AUTS2: variants seen among roughly 807,000 people sequenced by gnomAD.
AUTS2 encodes autism susceptibility gene 2 protein.
In AUTS2, 17 loss-of-function variants were observed where a neutral mutation model predicts 112.4. The ratio of observed to expected loss-of-function variants is 0.15; its 90% CI spans 0.10 to 0.23. The LOEUF is 0.23. Ranked by LOEUF, AUTS2 falls within the 10% of genes least tolerant of loss-of-function variation. The probability of loss-of-function intolerance (pLI) is 1.00; values close to 1 mark genes in which losing one functional copy is unlikely to be tolerated. For synonymous variants in AUTS2, 751 were observed against 702.7 expected, an observed-to-expected ratio of 1.07 and a Z score of -1.09; for missense variants, 1,510 against 1,701.6, an observed-to-expected ratio of 0.89 and a Z score of 1.98.
At chr7:70,114,016 G>A (rs1805225213) in intron 2 of AUTS2, among the ~76,000 whole-genome samples, 1 of 152,304 alleles carries the variant, frequency 6.6e-6, no homozygotes, top group Admixed American at 6.5e-5. Context: ...TGTTGACAGT[G>A]AAATCTAATG....
chr7:70,012,657 G>C (rs761871989), intron 2 of AUTS2, among the ~76,000 whole-genome samples: 2 of 151,850 alleles, frequency 1.3e-5, no homozygotes, highest in Admixed American at 6.6e-5. Context: ...ATTGAATGGT[G>C]TTAGAAGAGG....
chr7:70,032,374 A>C (rs1298729825), intron 2 of AUTS2, among the ~76,000 whole-genome samples: 2 of 152,094 alleles, frequency 1.3e-5, no homozygotes, highest in South Asian at 2.1e-4. Context: ...CTTCCTGGGG[A>C]CTATTTCAAT....
chr7:70,324,646 G>T (rs1329218680), intron 4 of AUTS2, among the ~76,000 whole-genome samples: 1 of 152,086 alleles, frequency 6.6e-6, no homozygotes, highest in African/African-American at 2.4e-5. Context: ...TAATTACAGG[G>T]TTGGCCTCCC....
intron 5 of AUTS2, among the ~76,000 whole-genome samples, chr7:70,564,406 A>G (rs1255469069): frequency 6.6e-6 from 1 of 152,190 alleles, no homozygotes; most frequent in Non-Finnish European, 1.5e-5. Flanking sequence ...TTTCTTTATC[A>G]TCATCTTTTG....
At chr7:69,801,335 A>G (rs1562892069) in intron 1 of AUTS2, among the ~76,000 whole-genome samples, 2 of 151,586 alleles carry the variant, frequency 1.3e-5, no homozygotes, top group South Asian at 4.2e-4. Flanking sequence ...TGATACGATT[A>G]AAAACATTTT....
At chr7:69,694,120 G>T (rs1797457781) in intron 1 of AUTS2, among the ~76,000 whole-genome samples, 1 of 152,134 alleles carries the variant, frequency 6.6e-6, no homozygotes, top group South Asian at 2.1e-4. Context: ...TTAGACTCGT[G>T]TGTGATTGTT....
chr7:70,618,728 GAGAGAA>G (rs909086837), intron 5 of AUTS2, among the ~76,000 whole-genome samples: 2 of 152,156 alleles, frequency 1.3e-5, no homozygotes, highest in East Asian at 1.9e-4. Flanking sequence ...CAGACAGAGA[GAGAGAA>G]AGAGAGAGAG....
intron 4 of AUTS2, among the ~76,000 whole-genome samples, chr7:70,400,358 A>G (rs892697501): frequency 6.6e-6 from 1 of 152,160 alleles, no homozygotes; most frequent in Non-Finnish European, 1.5e-5. Flanking sequence ...AGATGTTTAC[A>G]CTATCTAGAG....
At chr7:69,694,360 CTTT>C (rs1797467502) in intron 1 of AUTS2, among the ~76,000 whole-genome samples, 1 of 151,676 alleles carries the variant, frequency 6.6e-6, no homozygotes, top group Non-Finnish European at 1.5e-5. Flanking sequence ...CTTTACTGTT[CTTT>C]TAAGACATCC....
intron 4 of AUTS2, among the ~76,000 whole-genome samples, chr7:70,412,969 G>A (rs1794837835): frequency 2.0e-5 from 3 of 152,184 alleles, no homozygotes; most frequent in African/African-American, 7.2e-5. Flanking sequence ...CAGTCTGGGC[G>A]ACAGAGTGAG....
At chr7:70,424,970 C>G (rs1442282222) in intron 4 of AUTS2, among the ~76,000 whole-genome samples, 2 of 152,166 alleles carry the variant, frequency 1.3e-5, no homozygotes, top group African/African-American at 4.8e-5. Context: ...TGTGGAGGAA[C>G]CCTGCAAGAT....
intron 1 of AUTS2, among the ~76,000 whole-genome samples, chr7:69,812,376 C>T (rs1229596654): frequency 1.3e-5 from 2 of 152,126 alleles, no homozygotes; most frequent in Admixed American, 6.5e-5. Flanking sequence ...CCATACAGCA[C>T]AAATACAAGG....
intron 4 of AUTS2, among the ~76,000 whole-genome samples, chr7:70,216,426 AG>A (rs1435390283): frequency 1.3e-5 from 2 of 152,186 alleles, no homozygotes; most frequent in Admixed American, 6.5e-5. Context: ...TCAACTTAGC[AG>A]ATGCTCCTGG....
intron 4 of AUTS2, among the ~76,000 whole-genome samples, chr7:70,178,630 T>G (rs1809125000): frequency 6.6e-6 from 1 of 152,016 alleles, no homozygotes; most frequent in Non-Finnish European, 1.5e-5. Context: ...CGAATCCCCG[T>G]CTCTACTAAA....
chr7:70,437,838 A>C (rs1455475144), intron 5 of AUTS2: 2 of 112,852 alleles, frequency 1.8e-5, no homozygotes, highest in East Asian at 4.3e-4. Context: ...AGATTCCATC[A>C]AAAAAAAAAA....
intron 2 of AUTS2, among the ~76,000 whole-genome samples, chr7:70,111,713 G>T (rs373858257): frequency 6.6e-5 from 10 of 152,140 alleles, no homozygotes; most frequent in South Asian, 2.1e-4. Flanking sequence ...CCAGATTTTG[G>T]CACAAGTTAG....
chr7:70,297,500 G>T (rs1788997062), intron 4 of AUTS2, among the ~76,000 whole-genome samples: 1 of 151,214 alleles, frequency 6.6e-6, no homozygotes, highest in Admixed American at 6.6e-5. Context: ...ACGCATCTCG[G>T]CCCACTGCAA....
rs1793375653 is a variant in AUTS2, at chr7:69,616,362, A to G, written c.309+16400A>G. On this transcript the variant is annotated intron_variant, in intron 1 of 18. Transcript: ENST00000342771. ...AGCATCTATCTCCACATGGGTCTCA[A>G]GTCCACCTCCCTTCTTCCTTTCCCC... 1.3e-5 allele frequency among the ~76,000 whole-genome samples: 2 copies of G among 152,174 alleles called. 1 individual carries two copies. Among genetic ancestry groups the G allele is most frequent in the South Asian group, 4.2e-4 (2 of 4,818 alleles).
intron 1 of AUTS2, among the ~76,000 whole-genome samples, chr7:69,803,237 C>T (rs1414419987): frequency 6.6e-6 from 1 of 152,122 alleles, no homozygotes. Flanking sequence ...GCTGATGTAC[C>T]GTGCACTCCT....
Sources: allele counts gnomAD v4.1 joint callset (sites outside exome capture counted in the v4.1 genomes callset), GRCh38; gene constraint gnomAD v4.1.1; transcripts MANE v1.5; gene names NCBI Gene and HGNC (gene_info 2026-07-23, HGNC 2026-07-21).